The following SYNCRIP variants were observed in gnomAD, a reference collection of about 807,000 sequenced individuals.
SYNCRIP encodes the protein synaptotagmin binding cytoplasmic RNA interacting protein.
Under a neutral mutation model 68.9 loss-of-function variants are expected in SYNCRIP, and 9 were observed. That is an observed-to-expected ratio of 0.13 (90% CI 0.08 to 0.23). The LOEUF (loss-of-function observed/expected upper bound fraction) is 0.23, where lower values mean the gene tolerates loss of function less well. Ranked by LOEUF, SYNCRIP falls within the 10% of genes least tolerant of loss-of-function variation. The probability of loss-of-function intolerance (pLI) is 1.00; values close to 1 mark genes in which losing one functional copy is unlikely to be tolerated. For missense variants in SYNCRIP, 414 were observed against 770.6 expected (o/e 0.54, Z 5.48); for synonymous variants, 258 against 254.0 (o/e 1.02, Z -0.15).
chr6:85,642,461 G>A (rs185370907), intron 1 of SYNCRIP, among the ~76,000 whole-genome samples: 102 of 152,226 alleles, frequency 6.7e-4, no homozygotes, highest in Non-Finnish European at 1.1e-3. Context: ...ACGGCTGCAG[G>A]ACAAGACCCA....
Position 85,615,340 on chromosome 6 carries a change from C to T in SYNCRIP, c.1288G>A (p.Asp430Asn), listed in dbSNP as rs375585056. ...RQAAKNQMYD[D>N]YYYYGPPHMP... Reference sequence around the variant, plus strand: ...TGAGGTGGACCATAATAGTAGTAATCGTCATACCTATTAAAAAAGAGACAG... The same window carrying T: ...TGAGGTGGACCATAATAGTAGTAATTGTCATACCTATTAAAAAAGAGACAG... Residue 430 changes from aspartate to asparagine, a missense_variant, in exon 11 of 11, where the codon GAT (aspartate) becomes AAT (asparagine). Coordinates refer to ENST00000369622, the MANE Select transcript of SYNCRIP (RefSeq NM_006372.5). 2.7e-6 allele frequency: 4 copies of T among 1,481,142 alleles called. No individual in the cohort carries two copies. The highest frequency in any genetic ancestry group is 1.4e-5 in the African/African-American group (1 of 70,892). 91.7% of individuals were successfully genotyped at this position (1,481,142 alleles called of 1,614,324 possible).
intron 10 of SYNCRIP, among the ~76,000 whole-genome samples, chr6:85,616,239 G>C (rs1805750720): frequency 6.6e-6 from 1 of 152,134 alleles, no homozygotes. Flanking sequence ...ATTATTTTGA[G>C]CCCAATAATC....
At chr6:85,623,496 A>G (rs1011673650) in intron 7 of SYNCRIP, among the ~76,000 whole-genome samples, 1 of 142,918 alleles carries the variant, frequency 7.0e-6, no homozygotes, top group Non-Finnish European at 1.5e-5. Flanking sequence ...TCTGGGAGGC[A>G]GAGGCTGCAG....
upstream of SYNCRIP, chr6:85,643,416 T>TGG (rs937358728): frequency 6.6e-6 from 1 of 151,912 alleles, no homozygotes; most frequent in African/African-American, 2.4e-5. Context: ...CCCCTTGGGT[T>TGG]GGGGGTGGGG....
intron 10 of SYNCRIP, among the ~76,000 whole-genome samples, chr6:85,617,537 A>G (rs1368151235): frequency 6.6e-6 from 1 of 152,242 alleles, no homozygotes; most frequent in Non-Finnish European, 1.5e-5. Context: ...CACTATCATC[A>G]AACCTACAAA....
chr6:85,640,731 G>A (rs755454630), intron 2 of SYNCRIP, among the ~76,000 whole-genome samples, 167 bp from the exon 3 acceptor site: 2 of 149,300 alleles, frequency 1.3e-5, no homozygotes, highest in Non-Finnish European at 3.0e-5. Flanking sequence ...ACTGAATCCT[G>A]AACTAAATAT....
chr6:85,628,057 CT>C (rs911243786), intron 6 of SYNCRIP, among the ~76,000 whole-genome samples: 8 of 149,314 alleles, frequency 5.4e-5, no homozygotes, highest in East Asian at 2.0e-4. Context: ...TTGAAGATTT[CT>C]TTTTTTTTTC....
intron 6 of SYNCRIP, among the ~76,000 whole-genome samples, chr6:85,632,720 C>T (rs1807944002): frequency 6.6e-6 from 1 of 151,358 alleles, no homozygotes; most frequent in African/African-American, 2.4e-5. Flanking sequence ...GGCAGTAAGA[C>T]TGCTTGAGGC....
chr6:85,642,434 C>A (rs1343857041), intron 1 of SYNCRIP, among the ~76,000 whole-genome samples: 2 of 152,184 alleles, frequency 1.3e-5, no homozygotes, highest in African/African-American at 4.8e-5. Context: ...ACCGTGAGCA[C>A]CGCCCAAGCT....
At chr6:85,627,663 A>G (rs1015134067) in intron 6 of SYNCRIP, among the ~76,000 whole-genome samples, 1 of 152,212 alleles carries the variant, frequency 6.6e-6, no homozygotes, top group African/African-American at 2.4e-5. Flanking sequence ...GTATCAGGAC[A>G]CTACAGTGGT....
At chr6:85,632,967 T>G (rs898094316) in intron 6 of SYNCRIP, among the ~76,000 whole-genome samples, 2 of 148,080 alleles carry the variant, frequency 1.4e-5, no homozygotes, top group African/African-American at 2.5e-5. Context: ...AACCGTTTAC[T>G]TAAGGCCGGG....
At chr6:85,638,502 A>C (rs2128302549) in intron 4 of SYNCRIP, among the ~76,000 whole-genome samples, 1 of 152,032 alleles carries the variant, frequency 6.6e-6, no homozygotes, top group Non-Finnish European at 1.5e-5. Context: ...TTTTCTAAAC[A>C]AAACCAATTT....
chr6:85,640,188 C>T (rs766237232), intron 4 of SYNCRIP, 33 bp downstream of exon 4: 39 of 1,467,812 alleles, frequency 2.7e-5, no homozygotes, highest in Non-Finnish European at 3.6e-5. Flanking sequence ...GTTAAAATGA[C>T]TTTAAAACTA....
At position 85,642,835 on chromosome 6, in the gene SYNCRIP, G is replaced by GT. The variant is rs2128307343; in HGVS notation, c.-52dup. ...TGAGGCGGAGAAATCCTGTCCGATG[G>GT]TATCGGGTTGCGGGAAACGCGTGCT... On this transcript the variant is annotated 5_prime_UTR_variant, in exon 1 of 11. Transcript: ENST00000369622. 1 of 152,854 alleles carries GT rather than the reference G, an allele frequency of 6.5e-6. No homozygotes were observed. Among genetic ancestry groups the GT allele is most frequent in the Non-Finnish European group, 1.5e-5 (1 of 68,126 alleles). 9.5% of individuals were successfully genotyped at this position (152,854 alleles called of 1,614,324 possible). A position where few individuals can be genotyped will look rare whatever the true frequency, so the allele number is the denominator to read the frequency against.
At chr6:85,632,403 T>C (rs946619279) in intron 6 of SYNCRIP, among the ~76,000 whole-genome samples, 1 of 152,120 alleles carries the variant, frequency 6.6e-6, no homozygotes, top group Non-Finnish European at 1.5e-5. Context: ...CTGTAACAAG[T>C]AGAATCTCAA....
rs190447038 is a variant in SYNCRIP, at chr6:85,634,885, A to T, written c.666+2082T>A. Among the ~76,000 whole-genome samples, 254 of 152,186 alleles carry T rather than the reference A, an allele frequency of 1.7e-3. 1 individual carries two copies. The highest frequency in any genetic ancestry group is 5.6e-3 in the African/African-American group (234 of 41,524). On this transcript the variant is annotated intron_variant, in intron 6 of 10. Coordinates refer to ENST00000369622, the MANE Select transcript of SYNCRIP (RefSeq NM_006372.5). ...GCTTGAGACCATGAGTTCAAGACCA[A>T]CCTGCCAGGCACAGTGGCTCATGCC...
intron 8 of SYNCRIP, among the ~76,000 whole-genome samples, chr6:85,622,016 C>T (rs187202133): frequency 5.4e-5 from 8 of 148,844 alleles, no homozygotes; most frequent in Admixed American, 2.6e-4. Flanking sequence ...ATTTCCAGTG[C>T]GCACTGCCTA....
At chr6:85,622,785 T>G in intron 7 of SYNCRIP, 98 bp from the exon 8 acceptor site, 1 of 941,012 alleles carries the variant, frequency 1.1e-6, no homozygotes. Context: ...AATATCAAAA[T>G]GAAAAATCAT....
intron 6 of SYNCRIP, among the ~76,000 whole-genome samples, chr6:85,628,881 G>C (rs1344811021): frequency 1.3e-5 from 2 of 152,176 alleles, no homozygotes; most frequent in African/African-American, 4.8e-5. Context: ...ATCATGAACA[G>C]TCCAACTACA....
Sources: gnomAD v4.1 joint callset for allele counts (sites outside exome capture counted in the v4.1 genomes callset) on GRCh38, gnomAD v4.1.1 for gene constraint, MANE v1.5 for transcripts, NCBI Gene and HGNC (gene_info 2026-07-23, HGNC 2026-07-21) for gene names.